SH3GL3: variants seen among roughly 807,000 people sequenced by gnomAD.
SH3GL3 encodes SH3 domain containing GRB2 like 3, endophilin A3, also known as endophilin-A3.
Under a neutral mutation model 47.7 loss-of-function variants are expected in SH3GL3, and 33 were observed. The observed-to-expected ratio is 0.69, with a 90% CI of 0.52 to 0.92. SH3GL3 has a LOEUF of 0.92. Among genes scored for constraint, SH3GL3 ranks in the 40% least tolerant of loss-of-function variants. The probability of loss-of-function intolerance (pLI) is 0.00; values close to 1 mark genes in which losing one functional copy is unlikely to be tolerated. For synonymous variants in SH3GL3, 155 were observed against 148.8 expected (o/e 1.04, Z -0.30); for missense variants, 363 against 417.8 (o/e 0.87, Z 1.14).
intron 1 of SH3GL3, among the ~76,000 whole-genome samples, chr15:83,540,790 T>C (rs891733992): frequency 2.6e-5 from 4 of 152,168 alleles, no homozygotes; most frequent in Non-Finnish European, 4.4e-5. Context: ...GTTATGAACA[T>C]TCTAATTGTA....
intron 1 of SH3GL3, among the ~76,000 whole-genome samples, chr15:83,488,689 TC>T (rs1173387699): frequency 4.6e-5 from 7 of 152,220 alleles, no homozygotes; most frequent in Non-Finnish European, 8.8e-5. Context: ...GAGGGTGTGC[TC>T]CCTTCCATGT....
downstream of SH3GL3, among the ~76,000 whole-genome samples, chr15:83,621,612 T>C (rs2141313713): frequency 6.6e-6 from 1 of 152,316 alleles, no homozygotes; most frequent in African/African-American, 2.4e-5. Flanking sequence ...TTGTAAGAAT[T>C]ACCAAAGTGT....
At chr15:83,551,128 T>C (rs1437999806) in intron 1 of SH3GL3, among the ~76,000 whole-genome samples, 3 of 152,234 alleles carry the variant, frequency 2.0e-5, no homozygotes, top group African/African-American at 7.2e-5. Flanking sequence ...CCCAAATAAA[T>C]TTCTTTTATA....
intron 1 of SH3GL3, among the ~76,000 whole-genome samples, chr15:83,483,352 C>T (rs1205608024): frequency 6.6e-6 from 1 of 152,138 alleles, no homozygotes. Flanking sequence ...GGTATGATAG[C>T]CACTCACCAT....
intron 6 of SH3GL3, among the ~76,000 whole-genome samples, chr15:83,578,232 A>G (rs1596299085): frequency 6.6e-6 from 1 of 152,160 alleles, no homozygotes; most frequent in South Asian, 2.1e-4. Context: ...TTAAGGGGCC[A>G]TTGGCACTTT....
chr15:83,565,873 A>T (rs1373913736), intron 3 of SH3GL3: 1 of 152,262 alleles, frequency 6.6e-6, no homozygotes, highest in Non-Finnish European at 1.5e-5. Context: ...TGTAGGAATC[A>T]GCACAAACCT....
intron 1 of SH3GL3, among the ~76,000 whole-genome samples, chr15:83,555,317 A>G (rs1002227088): frequency 6.6e-6 from 1 of 152,244 alleles, no homozygotes; most frequent in East Asian, 1.9e-4. Context: ...CACACATTAA[A>G]AAGTCTATAT....
At chr15:83,539,320 T>G (rs1301245837) in intron 1 of SH3GL3, among the ~76,000 whole-genome samples, 1 of 152,220 alleles carries the variant, frequency 6.6e-6, no homozygotes, top group African/African-American at 2.4e-5. Flanking sequence ...GGCAGTCTTC[T>G]TGCTGTGTCC....
intron 1 of SH3GL3, among the ~76,000 whole-genome samples, chr15:83,543,330 A>G (rs1596222065): frequency 1.3e-5 from 2 of 152,074 alleles, no homozygotes; most frequent in East Asian, 3.8e-4. Context: ...GTTGAATCCT[A>G]CTTGGTCATG....
intron 7 of SH3GL3, among the ~76,000 whole-genome samples, chr15:83,588,213 C>T (rs937398778): frequency 4.6e-5 from 7 of 152,206 alleles, no homozygotes; most frequent in African/African-American, 1.7e-4. Flanking sequence ...TCACTGCAGC[C>T]TCCACCTTCC....
chr15:83,624,153 A>C, the SH3GL3 span, among the ~76,000 whole-genome samples: 1 of 152,140 alleles, frequency 6.6e-6, no homozygotes, highest in African/African-American at 2.4e-5. Context: ...GCTTAGCTTC[A>C]AATTGGTATC....
intron 1 of SH3GL3, among the ~76,000 whole-genome samples, chr15:83,482,898 T>C (rs80114333): frequency 0.019 from 2,964 of 152,314 alleles, 88 homozygotes; most frequent in African/African-American, 0.067. Flanking sequence ...CCATTTTTAA[T>C]GTGAACAGTT....
chr15:83,528,794 A>T (rs2043536216), intron 1 of SH3GL3, among the ~76,000 whole-genome samples: 1 of 151,846 alleles, frequency 6.6e-6, no homozygotes, highest in Admixed American at 6.5e-5. Context: ...TTTTTCTGAT[A>T]TTTAAAAAAT....
intron 1 of SH3GL3, among the ~76,000 whole-genome samples, chr15:83,503,278 A>G (rs2042364773): frequency 2.0e-5 from 3 of 152,182 alleles, no homozygotes; most frequent in Admixed American, 2.0e-4. Context: ...TATTACATTT[A>G]CATATGTTCA....
At chr15:83,557,597 C>T (rs1353507925) in intron 1 of SH3GL3, among the ~76,000 whole-genome samples, 1 of 152,220 alleles carries the variant, frequency 6.6e-6, no homozygotes, top group Non-Finnish European at 1.5e-5. Context: ...ACTGCAGTCA[C>T]CTGCAGGTCA....
chr15:83,552,296 A>G (rs72760351), intron 1 of SH3GL3, among the ~76,000 whole-genome samples: 6,184 of 152,332 alleles, frequency 0.041, 159 homozygotes, highest in Non-Finnish European at 0.062. Context: ...AGGTTATACA[A>G]TGATTTTTGA....
At chr15:83,494,942 G>T (rs1031624105) in intron 1 of SH3GL3, among the ~76,000 whole-genome samples, 1 of 152,176 alleles carries the variant, frequency 6.6e-6, no homozygotes, top group African/African-American at 2.4e-5. Context: ...GCGGAAGAGG[G>T]TGCTGTGGTC....
At chr15:83,488,466 C>A (rs1416651839) in intron 1 of SH3GL3, among the ~76,000 whole-genome samples, 1 of 152,178 alleles carries the variant, frequency 6.6e-6, no homozygotes, top group Non-Finnish European at 1.5e-5. Context: ...TTCCTTGAGG[C>A]TTTTGTGGAG....
intron 1 of SH3GL3, among the ~76,000 whole-genome samples, chr15:83,509,441 A>G (rs371913732): frequency 4.6e-5 from 7 of 152,122 alleles, no homozygotes; most frequent in Non-Finnish European, 8.8e-5. Flanking sequence ...ATTTTCTGCA[A>G]CCTCACTTCT....
Sources: gnomAD v4.1 joint callset for allele counts (sites outside exome capture counted in the v4.1 genomes callset) on GRCh38, gnomAD v4.1.1 for gene constraint, MANE v1.5 for transcripts, NCBI Gene and HGNC (gene_info 2026-07-23, HGNC 2026-07-21) for gene names.